HERC3: variants seen among roughly 807,000 people sequenced by gnomAD.
HERC3 encodes probable E3 ubiquitin-protein ligase HERC3.
In HERC3, 58 loss-of-function variants were observed where a neutral mutation model predicts 129.9. The observed-to-expected ratio is 0.45, with a 90% CI of 0.36 to 0.56. The LOEUF (loss-of-function observed/expected upper bound fraction) is 0.56, where lower values mean the gene tolerates loss of function less well. HERC3 is among the 20% of genes least tolerant of loss of function. The pLI, the probability that HERC3 is intolerant of heterozygous loss-of-function variation, is 0.00. For synonymous variants in HERC3, 430 were observed against 451.0 expected (o/e 0.95, Z 0.59); for missense variants, 835 against 1,244.2 (o/e 0.67, Z 4.95).
At chr4:88,536,841 G>T in the HERC3 span, among the ~76,000 whole-genome samples, 1 of 151,948 alleles carries the variant, frequency 6.6e-6, no homozygotes, top group Non-Finnish European at 1.5e-5. Flanking sequence ...AATATGTTAG[G>T]GTGGAGGTGC....
chr4:88,539,395 A>G, the HERC3 span, among the ~76,000 whole-genome samples: 1 of 152,174 alleles, frequency 6.6e-6, no homozygotes, highest in Non-Finnish European at 1.5e-5. Flanking sequence ...CTGAGGCTTG[A>G]GTAGGTAAAC....
chr4:88,581,756 A>T, the HERC3 span, among the ~76,000 whole-genome samples: 1 of 152,274 alleles, frequency 6.6e-6, no homozygotes, highest in East Asian at 1.9e-4. Flanking sequence ...CTGGCCTGAA[A>T]ATATTTCCTT....
chr4:88,562,463 C>A, the HERC3 span, among the ~76,000 whole-genome samples: 2 of 152,080 alleles, frequency 1.3e-5, no homozygotes, highest in African/African-American at 4.8e-5. Context: ...GTTGTCTCTT[C>A]ACTTTGTTGA....
chr4:88,604,944 AT>A (rs201522802), intron 2 of HERC3, among the ~76,000 whole-genome samples: 1 of 151,630 alleles, frequency 6.6e-6, no homozygotes, highest in Non-Finnish European at 1.5e-5. Flanking sequence ...GAGAGATGAG[AT>A]TTTTTTTTGT....
chr4:88,549,753 G>A, the HERC3 span, among the ~76,000 whole-genome samples: 3 of 151,710 alleles, frequency 2.0e-5, no homozygotes, highest in South Asian at 6.3e-4. Context: ...CACCCAGATG[G>A]GAGTGCAGTG....
chr4:88,538,392 A>G, the HERC3 span, among the ~76,000 whole-genome samples: 3 of 152,164 alleles, frequency 2.0e-5, no homozygotes. Flanking sequence ...GGCTTGAACA[A>G]CAGAATTTGT....
At chr4:88,653,300 G>C (rs932439672) in intron 6 of HERC3, among the ~76,000 whole-genome samples, 2 of 152,228 alleles carry the variant, frequency 1.3e-5, no homozygotes, top group African/African-American at 4.8e-5. Flanking sequence ...TGAGAGTGCA[G>C]CTTCCTGCTT....
intron 3 of HERC3, among the ~76,000 whole-genome samples, chr4:88,622,836 G>A (rs1269594606): frequency 2.6e-5 from 4 of 152,070 alleles, no homozygotes; most frequent in Non-Finnish European, 5.9e-5. Flanking sequence ...GGCTGAGGCA[G>A]GAGAATTGCT....
the HERC3 span, among the ~76,000 whole-genome samples, chr4:88,550,593 C>T: frequency 6.6e-6 from 1 of 152,160 alleles, no homozygotes; most frequent in Non-Finnish European, 1.5e-5. Context: ...TGAAGGACCT[C>T]TTCAAGGAGA....
chr4:88,528,947 TA>T, the HERC3 span, among the ~76,000 whole-genome samples: 1 of 152,186 alleles, frequency 6.6e-6, no homozygotes, highest in East Asian at 1.9e-4. Flanking sequence ...AAATAGTAAA[TA>T]TTTTAAAAAT....
chr4:88,604,417 C>A (rs1328649547), intron 2 of HERC3, among the ~76,000 whole-genome samples: 6 of 152,192 alleles, frequency 3.9e-5, no homozygotes, highest in Non-Finnish European at 7.3e-5. Context: ...CATTTTACCA[C>A]TTTCCAAAAG....
At chr4:88,650,601 G>A (rs555099102) in intron 4 of HERC3, among the ~76,000 whole-genome samples, 6 of 152,156 alleles carry the variant, frequency 3.9e-5, no homozygotes, top group Non-Finnish European at 8.8e-5. Flanking sequence ...TAGTGGTGGT[G>A]TCTCAGTTTG....
the HERC3 span, among the ~76,000 whole-genome samples, chr4:88,585,108 C>T: frequency 6.6e-6 from 1 of 152,196 alleles, no homozygotes; most frequent in Non-Finnish European, 1.5e-5. Context: ...ACTGTGTCCT[C>T]ACATGGTGGA....
chr4:88,675,373 A>T (rs933917710), intron 16 of HERC3, among the ~76,000 whole-genome samples: 8 of 152,192 alleles, frequency 5.3e-5, no homozygotes, highest in Non-Finnish European at 1.2e-4. Context: ...AACAAATGTA[A>T]CTTAATGTGT....
At chr4:88,533,475 G>A in the HERC3 span, among the ~76,000 whole-genome samples, 2 of 152,132 alleles carry the variant, frequency 1.3e-5, no homozygotes, top group Non-Finnish European at 2.9e-5. Flanking sequence ...GGGATAAAAG[G>A]AGGCAAAACG....
chr4:88,650,713 A>G (rs1242410990), intron 4 of HERC3, among the ~76,000 whole-genome samples: 1 of 152,224 alleles, frequency 6.6e-6, no homozygotes, highest in East Asian at 1.9e-4. Flanking sequence ...TATAGTACAC[A>G]TTCTTTGTAA....
At chr4:88,624,774 C>G (rs1275952251) in intron 3 of HERC3, among the ~76,000 whole-genome samples, 7 of 152,020 alleles carry the variant, frequency 4.6e-5, no homozygotes, top group Non-Finnish European at 8.8e-5. Flanking sequence ...AGAATTTTAC[C>G]TAACTCACAG....
the HERC3 span, among the ~76,000 whole-genome samples, chr4:88,546,193 T>TG: frequency 4.6e-5 from 7 of 152,182 alleles, no homozygotes; most frequent in Non-Finnish European, 1.5e-5. Flanking sequence ...ACAGAATGAT[T>TG]GGGGTCTCTA....
the HERC3 span, among the ~76,000 whole-genome samples, chr4:88,536,764 A>AT: frequency 0.46 from 70,185 of 151,842 alleles, 19,843 homozygotes; most frequent in African/African-American, 0.79. Flanking sequence ...AGCACAATGA[A>AT]TTTTTTTTCA....
Sources: gnomAD v4.1 joint callset for allele counts (sites outside exome capture counted in the v4.1 genomes callset) on GRCh38, gnomAD v4.1.1 for gene constraint, MANE v1.5 for transcripts, NCBI Gene and HGNC (gene_info 2026-07-23, HGNC 2026-07-21) for gene names.